GGT1: variants seen among roughly 807,000 people sequenced by gnomAD.
The protein encoded by GGT1 is gamma-glutamyltransferase 1.
GGT1 carries 21 observed loss-of-function variants against 56.0 expected under a neutral mutation model. The observed-to-expected ratio is 0.38, with a 90% CI of 0.27 to 0.54. GGT1 has a LOEUF of 0.54. Among genes scored for constraint, GGT1 ranks in the 20% least tolerant of loss-of-function variants. The pLI is 0.82. For synonymous variants in GGT1, 238 were observed against 342.6 expected (o/e 0.69, Z 3.37); for missense variants, 466 against 787.0 (o/e 0.59, Z 4.88).
chr22:24,606,850 C>T (rs2046352021), intron 1 of GGT1, among the ~76,000 whole-genome samples: 2 of 151,736 alleles, frequency 1.3e-5, no homozygotes, highest in Admixed American at 1.3e-4. Context: ...ACGGAATAGA[C>T]CTCAGGTGGA....
At chr22:24,588,047 G>C in the GGT1 span, among the ~76,000 whole-genome samples, 1 of 152,144 alleles carries the variant, frequency 6.6e-6, no homozygotes, top group Non-Finnish European at 1.5e-5. Flanking sequence ...GGGAGCATCT[G>C]CTACCACGGG....
chr22:24,610,072 C>T (rs1004676703), intron 3 of GGT1, 39 bp downstream of exon 3: 41 of 458,388 alleles, frequency 8.9e-5, no homozygotes, highest in Non-Finnish European at 1.7e-4. Flanking sequence ...GGCAGGCTGG[C>T]GGTGCCCCCT....
intron 11 of GGT1, chr22:24,627,123 C>T (rs1437432437): frequency 7.8e-5 from 53 of 678,574 alleles, no homozygotes; most frequent in Non-Finnish European, 1.1e-4. Context: ...GTTGATTCCC[C>T]AGTGCCAGGC....
upstream of GGT1, chr22:24,589,855 AC>A (rs776580743): frequency 1.2e-6 from 2 of 1,613,640 alleles, no homozygotes; most frequent in Admixed American, 1.7e-5. Flanking sequence ...GGCCAGGTTC[AC>A]AAGCAGGTCA....
chr22:24,611,513 TCCTA>T (rs1401608569), intron 5 of GGT1, among the ~76,000 whole-genome samples: 6,700 of 127,990 alleles, frequency 0.052, 525 homozygotes, highest in African/African-American at 0.18. Context: ...ACTTATTTCT[TCCTA>T]TCTATCTATC....
intron 7 of GGT1, among the ~76,000 whole-genome samples, chr22:24,615,539 G>T (rs1045714885): frequency 6.6e-5 from 10 of 152,152 alleles, no homozygotes; most frequent in African/African-American, 1.2e-4. Context: ...GCTCAGACAG[G>T]TCACGCAAAT....
chr22:24,603,125 C>CT (rs1166543272), upstream of GGT1: 2 of 152,132 alleles, frequency 1.3e-5, no homozygotes, highest in Non-Finnish European at 2.9e-5. Flanking sequence ...CTCCCCTCCC[C>CT]CCGCCCCGCC....
chr22:24,600,485 G>A (rs550327301), upstream of GGT1, among the ~76,000 whole-genome samples: 5 of 152,338 alleles, frequency 3.3e-5, no homozygotes, highest in East Asian at 9.6e-4. Flanking sequence ...GGTGCTCCCA[G>A]GCATTCACAA....
rs1428681802 is a variant in GGT1, at chr22:24,605,100, T to TA, written c.-429+1574dup. On this transcript the variant is annotated intron_variant, in intron 1 of 15. Coordinates refer to ENST00000400382, the MANE Select transcript of GGT1 (RefSeq NM_001288833.2). ...TATATAAAGTATATTATATAATATG[T>TA]ATTATATTATATATTATATAATATG... Among the ~76,000 whole-genome samples, 58 of 30,228 alleles carry TA rather than the reference T, an allele frequency of 1.9e-3. 26 individuals are homozygous for TA. Among genetic ancestry groups the TA allele is most frequent in the African/African-American group, 5.6e-3 (46 of 8,270 alleles). 19.8% of individuals were successfully genotyped at this position (30,228 alleles called of 152,430 possible). A position where few individuals can be genotyped will look rare whatever the true frequency, so the allele number is the denominator to read the frequency against.
rs201554132 is a variant in GGT1 at position 24,628,536 on chromosome 22, G to A, written c.1563+148G>A. On this transcript the variant is annotated intron_variant, in intron 15 of 15. Coordinates refer to ENST00000400382, the MANE Select transcript of GGT1 (RefSeq NM_001288833.2). This position sits in a 1 kb window ranked among gnomAD's most constrained non-coding sequence, Gnocchi z 5.7. ...GGAGCCCCTGTGCCATGAGGGCCAA[G>A]CCCCCTGCTCCAGTGAGACCCAGCA... is the stretch of plus-strand genomic sequence containing the variant. 191 of 1,035,194 alleles carry A rather than the reference G, an allele frequency of 1.8e-4. 1 individual carries two copies. In the East Asian group the frequency reaches 4.6e-3, roughly 25 times the overall value. The allele number at this position is 1,035,194 out of a possible 1,614,324, so 64.1% of individuals were successfully genotyped here.
intron 1 of GGT1, among the ~76,000 whole-genome samples, chr22:24,605,117 TATA>T (rs1379957976): frequency 1.2e-5 from 1 of 84,690 alleles, no homozygotes; most frequent in African/African-American, 5.4e-5. Flanking sequence ...TTATATATTA[TATA>T]ATATGTAATA....
intron 1 of GGT1, among the ~76,000 whole-genome samples, chr22:24,595,106 A>G (rs1460663042): frequency 6.6e-6 from 1 of 152,166 alleles, no homozygotes; most frequent in East Asian, 1.9e-4. Flanking sequence ...GGGAGTGCTC[A>G]GAGCTTAGAG....
At chr22:24,593,089 C>G, upstream of GGT1, 1 of 1,035,104 alleles carries the variant, frequency 9.7e-7, no homozygotes, top group Admixed American at 5.6e-5. Flanking sequence ...GCTGTCTGCG[C>G]CCCGCTCCCG....
chr22:24,617,488 G>T (rs1195981419), intron 7 of GGT1, among the ~76,000 whole-genome samples: 1 of 151,114 alleles, frequency 6.6e-6, no homozygotes, highest in Non-Finnish European at 1.5e-5. Flanking sequence ...GCAGTAATTC[G>T]TGGAGAGGGT....
At chr22:24,601,169 C>T (rs556842878), upstream of GGT1, among the ~76,000 whole-genome samples, 8 of 152,310 alleles carry the variant, frequency 5.3e-5, no homozygotes, top group South Asian at 4.1e-4. Flanking sequence ...GTTGTTCCAG[C>T]GGTTCTGGAG....
At chr22:24,627,376 G>GCCCCCAGGGCCC in intron 11 of GGT1, 56 bp from the exon 12 acceptor site, 2 of 896,766 alleles carry the variant, frequency 2.2e-6, no homozygotes, top group Admixed American at 2.1e-5. Flanking sequence ...TGAGACCTGT[G>GCCCCCAGGGCCC]CCCCCTCCCC....
the GGT1 span, chr22:24,586,241 T>A: frequency 6.2e-7 from 1 of 1,613,336 alleles, no homozygotes. Flanking sequence ...CAGCAGGAGG[T>A]GCAGCAGCTC....
At chr22:24,606,668 G>A (rs1270603237) in intron 1 of GGT1, among the ~76,000 whole-genome samples, 1 of 152,174 alleles carries the variant, frequency 6.6e-6, no homozygotes, top group Admixed American at 6.5e-5. Flanking sequence ...GGGCTATTGA[G>A]GATCTCACAG....
chr22:24,587,560 C>T, the GGT1 span, among the ~76,000 whole-genome samples: 2 of 152,038 alleles, frequency 1.3e-5, no homozygotes, highest in Non-Finnish European at 2.9e-5. Context: ...AGGGTAAGCT[C>T]CCGGCAGCAG....
Sources: allele counts gnomAD v4.1 joint callset (sites outside exome capture counted in the v4.1 genomes callset), GRCh38; gene constraint gnomAD v4.1.1; non-coding constraint Gnocchi (gnomAD v3.1); transcripts MANE v1.5; gene names NCBI Gene and HGNC (gene_info 2026-07-23, HGNC 2026-07-21).